Variants in ACOT4 observed in about 807,000 individuals in gnomAD.
The protein encoded by ACOT4 is acyl-CoA thioesterase 4, also known as peroxisomal succinyl-coenzyme A thioesterase.
Under a neutral mutation model 17.1 loss-of-function variants are expected in ACOT4, and 18 were observed. The ratio of observed to expected loss-of-function variants is 1.05; its 90% CI spans 0.73 to 1.56. The LOEUF is 1.56. Among genes scored for constraint, ACOT4 ranks in the 40% most tolerant of loss-of-function variants. The probability of loss-of-function intolerance (pLI) is 0.00; values close to 1 mark genes in which losing one functional copy is unlikely to be tolerated. For synonymous variants in ACOT4, 234 were observed against 236.6 expected (o/e 0.99, Z 0.10); for missense variants, 574 against 557.2 (o/e 1.03, Z -0.30).
chr14:73,595,139 A>G lies in ACOT4; in HGVS notation c.751A>G (p.Thr251Ala). The change falls in exon 3 of 3, where the codon ACA becomes GCA. Residue 251 changes from threonine to alanine, a missense_variant. Thr to Ala is a moderately conservative substitution (Grantham distance 58, BLOSUM62 0). Coordinates refer to ENST00000326303, the MANE Select transcript of ACOT4 (RefSeq NM_152331.4). ...MASFLKNVSA[T>A]VSINGSGISG... ...CTCATTCTTGAAGAATGTCTCAGCC[A>G]CAGTTTCCATCAATGGATCTGGGAT... 1 of 1,614,242 alleles carries G rather than the reference A, an allele frequency of 6.2e-7. No homozygotes were observed. Among genetic ancestry groups the G allele is most frequent in the Non-Finnish European group, 8.5e-7 (1 of 1,180,038 alleles).
intron 1 of ACOT4, 51 bp downstream of exon 1, chr14:73,592,467 G>T: frequency 6.9e-7 from 1 of 1,449,034 alleles, no homozygotes; most frequent in Non-Finnish European, 9.0e-7. Flanking sequence ...CTGAGTCTCC[G>T]TTTGTTTCCA....
At chr14:73,592,992 G>A (rs1249165679) in intron 1 of ACOT4, among the ~76,000 whole-genome samples, 5 of 152,242 alleles carry the variant, frequency 3.3e-5, no homozygotes, top group Non-Finnish European at 7.3e-5. Flanking sequence ...GGTTCAGGTC[G>A]TCAGGTACAT....
chr14:73,592,082 G>T lies in ACOT4; in HGVS notation c.123G>T (p.Glu41Asp), dbSNP rs563124968. ...CGCTGCGCGCGTCCCTGCGCGACGA[G>T]AAGGGCGCGCTCTTCCGGGCCCACG... The part of the protein sequence containing the change: ...RVTLRASLRD[E>D]KGALFRAHAR... The change falls in exon 1 of 3, where the codon GAG (glutamate) becomes GAT (aspartate). Residue 41 changes from glutamate (E) to aspartate (D), a missense_variant. By Grantham distance (45) the Glu-to-Asp change is conservative (BLOSUM62 2). Transcript: ENST00000326303. 4.3e-5 allele frequency: 64 copies of T among 1,487,914 alleles called. No homozygotes were observed. The African/African-American group carries it at 6.2e-4, about 14-fold the overall frequency. The allele number at this position is 1,487,914 out of a possible 1,614,324, so 92.2% of individuals were successfully genotyped here.
At chr14:73,593,337 T>TC (rs1890186728) in intron 1 of ACOT4, among the ~76,000 whole-genome samples, 1 of 11,694 alleles carries the variant, frequency 8.6e-5, no homozygotes, top group Admixed American at 1.7e-3. Context: ...TCTTTCTTTC[T>TC]TTTTTTTTTT....
At chr14:73,594,706 T>C (rs150167757) in intron 2 of ACOT4, among the ~76,000 whole-genome samples, 8 of 150,828 alleles carry the variant, frequency 5.3e-5, no homozygotes, top group African/African-American at 1.7e-4. Context: ...ATTTATTTAT[T>C]TATTTATCTT....
intron 1 of ACOT4, 52 bp from the exon 2 acceptor site, chr14:73,593,650 C>G (rs921411456): frequency 6.6e-7 from 1 of 1,515,228 alleles, no homozygotes; most frequent in Non-Finnish European, 8.9e-7. Flanking sequence ...GCCAGGAAAG[C>G]AAATTCTTTA....
rs1006362245 is a variant in ACOT4, at chr14:73,592,211, G to T, written c.252G>T (p.Leu84=). ...GLEPMGLLWA[L]EPEKPFWRFL... is the part of the protein sequence containing the mutation. ...AGCCCATGGGGCTGCTCTGGGCCCT[G>T]GAACCCGAGAAGCCTTTTTGGCGCT... The change falls in exon 1 of 3, where the codon CTG becomes CTT. Residue 84 remains leucine, a synonymous_variant. Transcript: ENST00000326303. 1 of 1,612,738 alleles carries T rather than the reference G, an allele frequency of 6.2e-7. No individual in the cohort carries two copies. The highest frequency in any genetic ancestry group is 8.5e-7 in the Non-Finnish European group (1 of 1,179,322).
In ACOT4 at chr14:73,594,964, CAG is replaced by C. The variant is rs1890220673; in HGVS notation, c.661-82_661-81del. On this transcript the variant is annotated intron_variant, in intron 2 of 2. Coordinates refer to ENST00000326303, the MANE Select transcript of ACOT4 (RefSeq NM_152331.4). The stretch of plus-strand genomic sequence containing the variant: ...AAGTGATCCGCCCGCCTCCGCCTCG[CAG>C]AGTGTTGGGATTACAGGCATGAGCC... The C allele has an allele frequency of 2.0e-6, 3 of 1,519,392 alleles. No individual in the cohort carries two copies. The African/African-American group carries it at 4.1e-5, about 21-fold the overall frequency. 94.1% of individuals were successfully genotyped at this position (1,519,392 alleles called of 1,614,324 possible).
chr14:73,592,388 G>A lies in ACOT4; in HGVS notation c.429G>A (p.Arg143=). The A allele has an allele frequency of 6.4e-7, 1 of 1,551,182 alleles. No homozygotes were observed. The highest frequency in any genetic ancestry group is 8.7e-7 in the Non-Finnish European group (1 of 1,153,478). ...GGCGCCAGTCGGTGCGAGCGGGCCG[G>A]GTGCGCGCCACGCTCTTCCTGCCGC... ...GVRRQSVRAG[R]VRATLFLPPG... is the part of the protein sequence containing the mutation. Residue 143 remains arginine, a synonymous_variant, in exon 1 of 3, where the codon CGG becomes CGA. Transcript: ENST00000326303.
rs759299401 is a variant in ACOT4, at chr14:73,595,045, C to G, written c.661-4C>G. On this transcript the variant is annotated splice_region_variant and splice_polypyrimidine_tract_variant and intron_variant, in intron 2 of 2. Coordinates refer to ENST00000326303, the MANE Select transcript of ACOT4 (RefSeq NM_152331.4). Reference sequence around the variant, plus strand: ...CTCAACTCTCCTCTCTTCTTTTCTTCCAGGTAAAAGGCCCAGGCATTGGGC... The same window carrying G: ...CTCAACTCTCCTCTCTTCTTTTCTTGCAGGTAAAAGGCCCAGGCATTGGGC... The G allele has an allele frequency of 5.0e-6, 8 of 1,612,264 alleles. No individual in the cohort carries two copies. In the Admixed American group the frequency reaches 1.0e-4, roughly 20 times the overall value.
intron 2 of ACOT4, among the ~76,000 whole-genome samples, chr14:73,594,612 C>T (rs1254491183): frequency 6.6e-6 from 1 of 151,976 alleles, no homozygotes; most frequent in African/African-American, 2.4e-5. Context: ...TGGATGATTC[C>T]CAGATTAAAG....
rs1595178331 is a variant in ACOT4 at position 73,592,217 on chromosome 14, C to T, written c.258C>T (p.Pro86=). 4 of 1,612,830 alleles carry T rather than the reference C, an allele frequency of 2.5e-6. No individual in the cohort carries two copies. Among genetic ancestry groups the T allele is most frequent in the Non-Finnish European group, 3.4e-6 (4 of 1,179,348 alleles). ...TGGGGCTGCTCTGGGCCCTGGAACCCGAGAAGCCTTTTTGGCGCTTCCTGA... is the reference window on the plus strand; with the variant it reads ...TGGGGCTGCTCTGGGCCCTGGAACCTGAGAAGCCTTTTTGGCGCTTCCTGA... ...EPMGLLWALE[P]EKPFWRFLKR... Residue 86 remains proline, a synonymous_variant, in exon 1 of 3, where the codon CCC becomes CCT. Transcript: ENST00000326303.
At position 73,592,435 on chromosome 14, in the gene ACOT4, G is replaced by A; in HGVS notation, c.457+19G>A. 6.7e-7 allele frequency: 1 copy of A among 1,490,788 alleles called. No individual in the cohort carries two copies. Among genetic ancestry groups the A allele is most frequent in the Non-Finnish European group, 8.9e-7 (1 of 1,128,412 alleles). The allele number at this position is 1,490,788 out of a possible 1,614,324, so 92.3% of individuals were successfully genotyped here. A position where few individuals can be genotyped will look rare whatever the true frequency, so the allele number is the denominator to read the frequency against. The stretch of plus-strand genomic sequence containing the variant: ...CCGCCAGGTGAGCCAGGCTGCTGGC[G>A]GGTGGTGTGAGCGTCAGTGGCCTGA... On this transcript the variant is annotated intron_variant, in intron 1 of 2. Transcript: ENST00000326303.
In ACOT4 at chr14:73,592,304, G is replaced by C; in HGVS notation, c.345G>C (p.Glu115Asp). 6 of 1,611,504 alleles carry C rather than the reference G, an allele frequency of 3.7e-6. No homozygotes were observed. The highest frequency in any genetic ancestry group is 5.1e-6 in the Non-Finnish European group (6 of 1,178,862). The change falls in exon 1 of 3, where the codon GAG becomes GAC. Residue 115 changes from glutamate to aspartate, a missense_variant. Transcript: ENST00000326303. ...ELEVLDGHDP[E>D]PGRLLCQAQH... ...AGGTGCTGGACGGCCACGACCCCGA[G>C]CCTGGACGGCTGCTGTGCCAGGCGC...
chr14:73,595,158 C>G lies in ACOT4; in HGVS notation c.770C>G (p.Ser257Cys), dbSNP rs1314814543. 1.9e-6 allele frequency: 3 copies of G among 1,614,220 alleles called. No individual in the cohort carries two copies. The highest frequency in any genetic ancestry group is 2.5e-6 in the Non-Finnish European group (3 of 1,180,044). Residue 257 changes from serine (S) to cysteine (C), a missense_variant, in exon 3 of 3, where the codon TCT (serine) becomes TGT (cysteine). Physicochemically the swap from Ser to Cys is moderately radical, Grantham distance 112. Coordinates refer to ENST00000326303, the MANE Select transcript of ACOT4 (RefSeq NM_152331.4). Reference sequence around the variant, plus strand: ...TCAGCCACAGTTTCCATCAATGGATCTGGGATCAGTGGGAACACAGCCATC... The same window carrying G: ...TCAGCCACAGTTTCCATCAATGGATGTGGGATCAGTGGGAACACAGCCATC... ...NVSATVSINGSGISGNTAINY... is the reference protein window; with the variant it reads ...NVSATVSINGCGISGNTAINY...
In ACOT4 at chr14:73,592,561, G is replaced by A. The variant is rs887285366; in HGVS notation, c.457+145G>A. ...TGTCAGTGGCCACTCTACCAAAATA[G>A]AGGGTTTGGTACCGGGCGTGGTGAC... On this transcript the variant is annotated intron_variant, in intron 1 of 2. Transcript: ENST00000326303. 5.6e-6 allele frequency: 6 copies of A among 1,067,820 alleles called. No individual in the cohort carries two copies. The Admixed American group carries it at 1.8e-4, about 32-fold the overall frequency. The allele number at this position is 1,067,820 out of a possible 1,614,324, so 66.1% of individuals were successfully genotyped here.
intron 2 of ACOT4, among the ~76,000 whole-genome samples, chr14:73,594,272 A>G (rs1002571461): frequency 6.6e-6 from 1 of 152,150 alleles, no homozygotes; most frequent in African/African-American, 2.4e-5. Flanking sequence ...AAACTTACTT[A>G]CTCTGAAGTC....
intron 2 of ACOT4, 101 bp from the exon 3 acceptor site, chr14:73,594,948 G>T (rs769836771): frequency 9.8e-6 from 14 of 1,421,900 alleles, no homozygotes; most frequent in Admixed American, 3.8e-5. Context: ...CAAGTGATCC[G>T]CCCGCCTCCG....
rs141714008 is a variant in ACOT4, at chr14:73,595,053, A to G, written c.665A>G (p.Lys222Arg). Residue 222 changes from lysine to arginine, a missense_variant, in exon 3 of 3, where the codon AAA (lysine) becomes AGA (arginine). Transcript: ENST00000326303. Reference protein sequence around the residue: ...VCYMLQHPQVKGPGIGLLGIS... With the variant: ...VCYMLQHPQVRGPGIGLLGIS... ...TCCTCTCTTCTTTTCTTCCAGGTAAAAGGCCCAGGCATTGGGCTTTTGGGC... is the reference window on the plus strand; with the variant it reads ...TCCTCTCTTCTTTTCTTCCAGGTAAGAGGCCCAGGCATTGGGCTTTTGGGC... 4 of 1,612,902 alleles carry G rather than the reference A, an allele frequency of 2.5e-6. No individual in the cohort carries two copies. Among genetic ancestry groups the G allele is most frequent in the African/African-American group, 1.3e-5 (1 of 74,810 alleles).
Sources: allele counts gnomAD v4.1 joint callset (sites outside exome capture counted in the v4.1 genomes callset), GRCh38; gene constraint gnomAD v4.1.1; transcripts MANE v1.5; gene names NCBI Gene and HGNC (gene_info 2026-07-23, HGNC 2026-07-21).